PIEZO2: variants seen among roughly 807,000 people sequenced by gnomAD.
PIEZO2 encodes piezo-type mechanosensitive ion channel component 2.
In PIEZO2, 172 loss-of-function variants were observed where a neutral mutation model predicts 337.3. That is an observed-to-expected ratio of 0.51 (90% CI 0.45 to 0.58). The LOEUF (loss-of-function observed/expected upper bound fraction) is 0.58, where lower values mean the gene tolerates loss of function less well. Ranked by LOEUF, PIEZO2 falls within the 20% of genes least tolerant of loss-of-function variation. PIEZO2 has a pLI of 0.00. For synonymous variants in PIEZO2, 1,251 were observed against 1,228.5 expected, an observed-to-expected ratio of 1.02 and a Z score of -0.38; for missense variants, 3,028 against 3,391.3, an observed-to-expected ratio of 0.89 and a Z score of 2.66.
At chr18:10,803,681 C>A (rs2039900872) in intron 9 of PIEZO2, among the ~76,000 whole-genome samples, 194 bp downstream of exon 9, 1 of 152,142 alleles carries the variant, frequency 6.6e-6, no homozygotes, top group Non-Finnish European at 1.5e-5. Context: ...AAATGATGTT[C>A]TTGACGGGAT....
intron 2 of PIEZO2, among the ~76,000 whole-genome samples, chr18:11,017,716 G>A (rs908850333): frequency 4.6e-5 from 7 of 152,118 alleles, no homozygotes; most frequent in Non-Finnish European, 7.3e-5. Flanking sequence ...CAGGGTCTCC[G>A]CATTGATAGA....
chr18:11,041,798 A>G (rs1005522050), intron 2 of PIEZO2, among the ~76,000 whole-genome samples: 3 of 152,314 alleles, frequency 2.0e-5, no homozygotes, highest in East Asian at 1.9e-4. Flanking sequence ...CCTACTTACT[A>G]CCTCTTTATT....
chr18:10,728,954 CAA>C (rs143511795), intron 36 of PIEZO2, among the ~76,000 whole-genome samples: 51 of 75,626 alleles, frequency 6.7e-4, no homozygotes, highest in East Asian at 1.3e-3. Context: ...GACTCTGTCT[CAA>C]AAAAAAAAAA....
chr18:10,720,361 TTCTGTGTGTGTG>T (rs2036222251), intron 36 of PIEZO2, among the ~76,000 whole-genome samples: 11 of 67,284 alleles, frequency 1.6e-4, no homozygotes, highest in South Asian at 6.0e-4. Flanking sequence ...CCTATATATA[TTCTGTGTGTGTG>T]TGTGTGTGTG....
chr18:10,800,639 T>G (rs1319222412), intron 10 of PIEZO2, among the ~76,000 whole-genome samples, 164 bp from the exon 11 acceptor site: 1 of 152,260 alleles, frequency 6.6e-6, no homozygotes, highest in Non-Finnish European at 1.5e-5. Context: ...GGGAATCTTG[T>G]ACATTCCCTC....
chr18:10,742,017 T>C (rs996703282), intron 32 of PIEZO2, among the ~76,000 whole-genome samples: 10 of 152,016 alleles, frequency 6.6e-5, no homozygotes, highest in African/African-American at 2.4e-4. Context: ...TAGCCGGGCG[T>C]GGTGGCGGGC....
In PIEZO2 at chr18:11,148,941, G is replaced by A. The variant is rs946931070; in HGVS notation, c.-353C>T. ...GGGGCCTTGGAGAGGGACGCTTTGG[G>A]AGGGTCCTGGGAGGCGGCGCGGCGA... is the stretch of plus-strand genomic sequence containing the variant. On this transcript the variant is annotated 5_prime_UTR_variant, in exon 1 of 56. Coordinates refer to ENST00000674853, the MANE Select transcript of PIEZO2 (RefSeq NM_001378183.1). This position sits in a 1 kb window ranked among gnomAD's most constrained non-coding sequence, Gnocchi z 5.2. 6.6e-6 allele frequency among the ~76,000 whole-genome samples: 1 copy of A among 152,188 alleles called. No homozygotes were observed. Among genetic ancestry groups the A allele is most frequent in the East Asian group, 1.9e-4 (1 of 5,176 alleles).
intron 26 of PIEZO2, among the ~76,000 whole-genome samples, chr18:10,758,902 T>G (rs1391806514): frequency 6.6e-6 from 1 of 152,174 alleles, no homozygotes; most frequent in African/African-American, 2.4e-5. Context: ...GAACACAAGC[T>G]GCTTCCTTGC....
chr18:10,847,712 C>T lies in PIEZO2; in HGVS notation c.917+7641G>A, dbSNP rs1480552501. On this transcript the variant is annotated intron_variant, in intron 7 of 55. Transcript: ENST00000674853. The surrounding 1 kb of genome is among the most constrained non-coding windows in gnomAD (Gnocchi z 5.7). ...ATTTCTCTTGGGGCACCTAACTCTA[C>T]CTTTCAGATAAGCATAAATGAACTC... 6.6e-6 allele frequency among the ~76,000 whole-genome samples: 1 copy of T among 152,166 alleles called. No homozygotes were observed. The highest frequency in any genetic ancestry group is 1.5e-5 in the Non-Finnish European group (1 of 68,024).
intron 1 of PIEZO2, among the ~76,000 whole-genome samples, chr18:11,088,238 A>G (rs531770937): frequency 1.2e-3 from 179 of 152,324 alleles, no homozygotes; most frequent in African/African-American, 4.2e-3. Context: ...ATGCATGAAA[A>G]GTGGGTTACC....
rs62093932 is a variant in PIEZO2 at position 10,673,665 on chromosome 18, A to G, written c.8162-792T>C. Among the ~76,000 whole-genome samples the G allele has an allele frequency of 0.018, 2,728 of 152,304 alleles. 34 individuals carry two copies. Among genetic ancestry groups the G allele is most frequent in the Middle Eastern group, 0.071 (21 of 294 alleles). Reference sequence around the variant, plus strand: ...GATAGGGTAAAAAGCTTGTAGTGACATTGTATAGGTCTTTCTAAGAAGATT... The same window carrying G: ...GATAGGGTAAAAAGCTTGTAGTGACGTTGTATAGGTCTTTCTAAGAAGATT... On this transcript the variant is annotated intron_variant, in intron 54 of 55. Transcript: ENST00000674853. The surrounding 1 kb of genome is among the most constrained non-coding windows in gnomAD (Gnocchi z 4.8).
chr18:11,090,172 T>C (rs1021817865), intron 1 of PIEZO2, among the ~76,000 whole-genome samples: 2 of 152,184 alleles, frequency 1.3e-5, no homozygotes, highest in African/African-American at 4.8e-5. Flanking sequence ...CATCTGTAAC[T>C]GTAACGGTGC....
At chr18:10,689,410 G>A (rs906433322) in intron 49 of PIEZO2, among the ~76,000 whole-genome samples, 4 of 152,110 alleles carry the variant, frequency 2.6e-5, no homozygotes, top group East Asian at 1.9e-4. Context: ...GCAATATACC[G>A]TTTTTTAAAA....
Position 11,017,968 on chromosome 18 carries a change from G to GTAA in PIEZO2, c.161-38311_161-38309dup, listed in dbSNP as rs767100017. 1.5e-4 allele frequency among the ~76,000 whole-genome samples: 23 copies of GTAA among 152,078 alleles called. No individual in the cohort carries two copies. The East Asian group carries it at 2.5e-3, about 17-fold the overall frequency. On this transcript the variant is annotated intron_variant, in intron 2 of 55. Coordinates refer to ENST00000674853, the MANE Select transcript of PIEZO2 (RefSeq NM_001378183.1). ...CACAGTGAGACCCTGTCTCTATTAA[G>GTAA]TAATAATAATAATAATAACCAAACA...
chr18:10,938,929 A>G (rs2032557114), intron 3 of PIEZO2, among the ~76,000 whole-genome samples: 1 of 152,172 alleles, frequency 6.6e-6, no homozygotes, highest in Non-Finnish European at 1.5e-5. Context: ...TGCTAAAAAT[A>G]CAAAAAAATT....
chr18:10,823,441 T>G (rs1384797229), intron 7 of PIEZO2, among the ~76,000 whole-genome samples: 1 of 152,194 alleles, frequency 6.6e-6, no homozygotes, highest in African/African-American at 2.4e-5. Context: ...AGCCCTGAAT[T>G]TTTTCTCACA....
intron 1 of PIEZO2, among the ~76,000 whole-genome samples, chr18:11,141,260 T>C (rs1365625903): frequency 6.6e-6 from 1 of 152,238 alleles, no homozygotes; most frequent in East Asian, 1.9e-4. Flanking sequence ...TACAAGCCTG[T>C]TGGGCTAATG....
chr18:10,801,419 T>C lies in PIEZO2; in HGVS notation c.1210A>G (p.Met404Val). 1 of 1,508,886 alleles carries C rather than the reference T, an allele frequency of 6.6e-7. No homozygotes were observed. The highest frequency in any genetic ancestry group is 8.9e-7 in the Non-Finnish European group (1 of 1,120,798). The allele number at this position is 1,508,886 out of a possible 1,614,324, so 93.5% of individuals were successfully genotyped here. ...YPTDERKLLS[M>V]TQDDYKPSDG... ...GATGGTTTGTAGTCATCCTGGGTCA[T>C]GGATAAAAGCTGCAAAAAGCAATGC... Residue 404 changes from methionine (M) to valine (V), a missense_variant, in exon 10 of 56, where the codon ATG becomes GTG. Transcript: ENST00000674853.
chr18:10,959,463 T>C (rs557704163), intron 3 of PIEZO2, among the ~76,000 whole-genome samples: 1 of 152,312 alleles, frequency 6.6e-6, no homozygotes, highest in Middle Eastern at 3.4e-3. Context: ...AAAAATCACA[T>C]GTAGACAATC....
Sources: allele counts gnomAD v4.1 joint callset (sites outside exome capture counted in the v4.1 genomes callset), GRCh38; gene constraint gnomAD v4.1.1; non-coding constraint Gnocchi (gnomAD v3.1); transcripts MANE v1.5; gene names NCBI Gene and HGNC (gene_info 2026-07-23, HGNC 2026-07-21).